Variants in HYDIN observed in about 807,000 individuals in gnomAD.
HYDIN encodes the protein HYDIN axonemal central pair apparatus protein, also known as axonemal central pair apparatus protein HYDIN.
Under a neutral mutation model 403.9 loss-of-function variants are expected in HYDIN, and 132 were observed. The observed-to-expected ratio is 0.33, with a 90% CI of 0.28 to 0.38. The LOEUF is 0.38. HYDIN is among the 10% of genes least tolerant of loss of function. HYDIN has a pLI of 1.00. For missense variants in HYDIN, 2,827 were observed against 5,009.5 expected (o/e 0.56, Z 13.15); for synonymous variants, 1,202 against 1,891.7 (o/e 0.64, Z 9.46).
intron 77 of HYDIN, among the ~76,000 whole-genome samples, chr16:70,837,405 T>G (rs532750334): frequency 1.0e-3 from 152 of 152,296 alleles, no homozygotes; most frequent in Middle Eastern, 3.4e-3. Flanking sequence ...CTCAAATTTC[T>G]CCAAGAAAAA....
intron 18 of HYDIN, among the ~76,000 whole-genome samples, chr16:71,041,388 A>G (rs1448520570): frequency 6.6e-6 from 1 of 152,042 alleles, no homozygotes; most frequent in East Asian, 1.9e-4. Flanking sequence ...CTAGAAATTT[A>G]GTCAAAGAAA....
chr16:71,041,471 A>C (rs1027111713), intron 18 of HYDIN, among the ~76,000 whole-genome samples: 1 of 152,244 alleles, frequency 6.6e-6, no homozygotes, highest in Admixed American at 6.5e-5. Context: ...ACAATCTATC[A>C]GTAGGGGATT....
In HYDIN at chr16:70,991,416, G is replaced by A. The variant is rs757973084; in HGVS notation, c.3786-20C>T. ...ACAGTCCTAGGAAGTTTAATGAAAT[G>A]CAGAGATTCACTCATTGGGCTGTCA... On this transcript the variant is annotated intron_variant, in intron 24 of 85. Transcript: ENST00000393567. 1.4e-5 allele frequency: 22 copies of A among 1,610,606 alleles called. No homozygotes were observed. The East Asian group carries it at 4.9e-4, about 36-fold the overall frequency.
chr16:70,898,664 C>T (rs4985433), intron 53 of HYDIN, among the ~76,000 whole-genome samples: 1 of 151,916 alleles, frequency 6.6e-6, no homozygotes, highest in Non-Finnish European at 1.5e-5. Context: ...CTGCTTTAAG[C>T]GGTAGTGGTA....
chr16:70,894,400 C>T, intron 55 of HYDIN, 49 bp downstream of exon 55: 3 of 1,610,922 alleles, frequency 1.9e-6, no homozygotes, highest in Non-Finnish European at 2.5e-6. Context: ...CCCCACATTC[C>T]TCCCCACGGC....
At chr16:70,928,448 G>C (rs563411327) in intron 45 of HYDIN, among the ~76,000 whole-genome samples, 85 of 152,086 alleles carry the variant, frequency 5.6e-4, no homozygotes, top group Non-Finnish European at 8.2e-4. Flanking sequence ...GATGGAGTCA[G>C]ACCCTGCCTA....
intron 45 of HYDIN, among the ~76,000 whole-genome samples, chr16:70,924,717 C>T (rs1036443584): frequency 6.8e-5 from 3 of 44,232 alleles, no homozygotes; most frequent in South Asian, 8.2e-4. Flanking sequence ...CCAAATATTA[C>T]GTGTTCTGCC....
chr16:70,897,702 C>T (rs1448676370), intron 53 of HYDIN, among the ~76,000 whole-genome samples: 1 of 151,580 alleles, frequency 6.6e-6, no homozygotes, highest in Non-Finnish European at 1.5e-5. Context: ...AAAACAAGTT[C>T]ACCAAAGGCT....
intron 75 of HYDIN, among the ~76,000 whole-genome samples, chr16:70,845,990 C>A (rs1847098197): frequency 6.6e-6 from 1 of 151,078 alleles, no homozygotes; most frequent in Non-Finnish European, 1.5e-5. Context: ...TTCAAAAAAC[C>A]AGCTCCTGGA....
At chr16:71,130,121 G>A (rs1488292423) in intron 8 of HYDIN, among the ~76,000 whole-genome samples, 2 of 152,226 alleles carry the variant, frequency 1.3e-5, no homozygotes, top group African/African-American at 4.8e-5. Flanking sequence ...TTTTCTTTCA[G>A]GTAATCCTGT....
At chr16:71,069,993 T>TA (rs1024575886) in intron 13 of HYDIN, among the ~76,000 whole-genome samples, 22 of 151,728 alleles carry the variant, frequency 1.4e-4, no homozygotes, top group African/African-American at 4.9e-4. Context: ...CAAGACATGA[T>TA]AGAGTGTGTC....
In HYDIN at chr16:70,803,362, G is replaced by A. The variant is rs984796644; in HGVS notation, c.*4218C>T. 3.9e-5 allele frequency among the ~76,000 whole-genome samples: 6 copies of A among 152,084 alleles called. No homozygotes were observed. Among genetic ancestry groups the A allele is most frequent in the Non-Finnish European group, 7.4e-5 (5 of 68,022 alleles). On this transcript the variant is annotated 3_prime_UTR_variant, in exon 86 of 86. Transcript: ENST00000393567. ...TATGCATAATTGAGCTAGCAGTGGT[G>A]GTAAAAATAAAGCCCAAAGGCTACC...
At chr16:71,011,763 A>C (rs572113841) in intron 23 of HYDIN, among the ~76,000 whole-genome samples, 28 of 151,578 alleles carry the variant, frequency 1.8e-4, no homozygotes, top group Admixed American at 1.6e-3. Flanking sequence ...GAAATTGAGG[A>C]ATGATGAAGA....
Position 70,991,314 on chromosome 16 carries a change from G to T in HYDIN, c.3864+4C>A, listed in dbSNP as rs781044001. 1 of 1,613,902 alleles carries T rather than the reference G, an allele frequency of 6.2e-7. No homozygotes were observed. The highest frequency in any genetic ancestry group is 8.5e-7 in the Non-Finnish European group (1 of 1,179,874). Reference sequence around the variant, plus strand: ...CTACCCTCCCCATGGAAAGGACACCGTACATCTGAGATCACACTGGAAGCT... The same window carrying T: ...CTACCCTCCCCATGGAAAGGACACCTTACATCTGAGATCACACTGGAAGCT... On this transcript the variant is annotated splice_donor_region_variant and intron_variant, in intron 25 of 85. Transcript: ENST00000393567.
intron 10 of HYDIN, among the ~76,000 whole-genome samples, chr16:71,097,972 G>A (rs75494478): frequency 1.3e-4 from 20 of 152,020 alleles, no homozygotes; most frequent in Middle Eastern, 3.4e-3. Context: ...CTTTTTCCCC[G>A]TTAAATGTCC....
intron 18 of HYDIN, among the ~76,000 whole-genome samples, chr16:71,033,450 T>C (rs2080982653): frequency 7.2e-5 from 11 of 152,252 alleles, no homozygotes; most frequent in Admixed American, 6.5e-4. Flanking sequence ...AGAAAAAACA[T>C]CCTTTTGAAT....
chr16:71,214,389 T>A (rs929982703), intron 1 of HYDIN, among the ~76,000 whole-genome samples: 1 of 152,176 alleles, frequency 6.6e-6, no homozygotes, highest in Non-Finnish European at 1.5e-5. Context: ...AGATGAGACT[T>A]GACATGCTGA....
At chr16:71,032,178 C>A (rs987185476) in intron 18 of HYDIN, among the ~76,000 whole-genome samples, 3 of 152,108 alleles carry the variant, frequency 2.0e-5, no homozygotes, top group Admixed American at 6.5e-5. Flanking sequence ...AGATAACCGT[C>A]CAATTCTCAA....
chr16:71,040,178 G>A (rs4788738), intron 18 of HYDIN, among the ~76,000 whole-genome samples: 4 of 152,140 alleles, frequency 2.6e-5, no homozygotes, highest in African/African-American at 9.7e-5. Flanking sequence ...TGCTGGTGCC[G>A]ATGCGGTTGG....
Sources: gnomAD v4.1 joint callset for allele counts (sites outside exome capture counted in the v4.1 genomes callset) on GRCh38, gnomAD v4.1.1 for gene constraint, MANE v1.5 for transcripts, NCBI Gene and HGNC (gene_info 2026-07-23, HGNC 2026-07-21) for gene names.